Variants in DNAH3 observed in about 807,000 individuals in gnomAD.
The protein encoded by DNAH3 is axonemal beta dynein heavy chain 3.
Under a neutral mutation model 432.5 loss-of-function variants are expected in DNAH3, and 332 were observed. The observed-to-expected ratio is 0.77, with a 90% CI of 0.70 to 0.84. The LOEUF (loss-of-function observed/expected upper bound fraction) is 0.84. Among genes scored for constraint, DNAH3 ranks in the 40% least tolerant of loss-of-function variants. The pLI is 0.00. For missense variants in DNAH3, 4,861 were observed against 5,114.0 expected, an observed-to-expected ratio of 0.95 and a Z score of 1.51; for synonymous variants, 1,956 against 1,900.2, an observed-to-expected ratio of 1.03 and a Z score of -0.76.
chr16:20,977,186 G>GA (rs1452896802), intron 50 of DNAH3, among the ~76,000 whole-genome samples: 1 of 152,086 alleles, frequency 6.6e-6, no homozygotes, highest in African/African-American at 2.4e-5. Flanking sequence ...TGACCAGCCT[G>GA]ACCAACATGG....
exon 17 of DNAH3, chr16:21,098,720 T>C (rs780009535): frequency 6.2e-6 from 10 of 1,613,854 alleles, no homozygotes; most frequent in African/African-American, 2.7e-5. Context: ...TTCCTAAAAC[T>C]TTCCAGTTCT....
At chr16:21,024,540 C>T (rs778843027) in intron 39 of DNAH3, 56 bp downstream of exon 39, 68 of 1,323,290 alleles carry the variant, frequency 5.1e-5, no homozygotes, top group Non-Finnish European at 5.1e-5. Flanking sequence ...AGAAGACCCT[C>T]GAGATGAAAA....
exon 44 of DNAH3, chr16:20,997,424 G>T: frequency 6.2e-7 from 1 of 1,614,150 alleles, no homozygotes; most frequent in Non-Finnish European, 8.5e-7. Flanking sequence ...ATGGGTGGCT[G>T]GGCCCCATAC....
At chr16:21,117,151 C>T (rs1184179962) in intron 12 of DNAH3, 52 bp downstream of exon 12, 5 of 1,294,032 alleles carry the variant, frequency 3.9e-6, no homozygotes, top group Admixed American at 2.0e-5. Flanking sequence ...GTTAAGAACA[C>T]CAAATCAATC....
exon 53 of DNAH3, chr16:20,965,409 ATCT>A: frequency 6.6e-7 from 1 of 1,520,172 alleles, no homozygotes; most frequent in Non-Finnish European, 8.8e-7. Context: ...CCCCCCAGTA[ATCT>A]TCTATCATCT....
chr16:21,022,142 C>T, intron 39 of DNAH3, 42 bp from the exon 40 acceptor site: 5 of 1,609,812 alleles, frequency 3.1e-6, no homozygotes, highest in South Asian at 1.1e-5. Flanking sequence ...ACATGATCAA[C>T]AAGTGAGTTG....
chr16:20,939,105 T>C (rs2083707187), intron 59 of DNAH3, among the ~76,000 whole-genome samples: 2 of 151,928 alleles, frequency 1.3e-5, no homozygotes, highest in Admixed American at 1.3e-4. Flanking sequence ...TGAAGGCCAG[T>C]GAAAGCCCCT....
At chr16:21,094,680 A>G (rs117033869) in intron 18 of DNAH3, among the ~76,000 whole-genome samples, 2,163 of 152,254 alleles carry the variant, frequency 0.014, 16 homozygotes, top group Non-Finnish European at 0.022. Flanking sequence ...ATATATATAT[A>G]TATGGACAAT....
chr16:21,149,359 A>G (rs1467551638), intron 1 of DNAH3, among the ~76,000 whole-genome samples: 4 of 152,218 alleles, frequency 2.6e-5, no homozygotes, highest in African/African-American at 9.6e-5. Flanking sequence ...CTTTAGTTTT[A>G]CAAAGTTTCT....
At chr16:20,988,316 C>T (rs1269526470) in intron 44 of DNAH3, among the ~76,000 whole-genome samples, 2 of 152,228 alleles carry the variant, frequency 1.3e-5, no homozygotes, top group Non-Finnish European at 1.5e-5. Flanking sequence ...TGGCTAGTGG[C>T]TACCGTATTG....
rs1164082528 is a variant in DNAH3 at position 21,031,186 on chromosome 16, C to G, written c.5298G>C (p.Glu1766Asp). ...CATTGGCAAGGACACCATCCATCCACTCGTGGCTCACTTGGTCAAAGCACC... is the reference window on the plus strand; with the variant it reads ...CATTGGCAAGGACACCATCCATCCAGTCGTGGCTCACTTGGTCAAAGCACC... The change falls in exon 37 of 62, where the codon GAG becomes GAC. Residue 1766 changes from glutamate (E) to aspartate (D), a missense_variant. Coordinates refer to ENST00000261383, the Ensembl canonical transcript of DNAH3. The G allele has an allele frequency of 2.5e-6, 4 of 1,614,040 alleles. No individual in the cohort carries two copies. In the African/African-American group the frequency reaches 5.3e-5, roughly 22 times the overall value.
At chr16:21,145,299 G>A (rs747436813) in exon 3 of DNAH3, 20 of 1,613,974 alleles carry the variant, frequency 1.2e-5, no homozygotes, top group Admixed American at 1.0e-4. Context: ...AGTTGTTGGC[G>A]ATGGAATCAC....
intron 60 of DNAH3, 75 bp downstream of exon 60, chr16:20,936,574 A>G: frequency 7.4e-7 from 1 of 1,342,882 alleles, no homozygotes; most frequent in South Asian, 1.3e-5. Flanking sequence ...CCCTGCCTCT[A>G]GTCTGCCATT....
chr16:20,933,799 C>T (rs2083494958), intron 61 of DNAH3, among the ~76,000 whole-genome samples: 1 of 152,198 alleles, frequency 6.6e-6, no homozygotes. Context: ...ATTGCACAAT[C>T]CCTTCCCTTT....
At chr16:21,040,468 G>A (rs532805720) in intron 32 of DNAH3, among the ~76,000 whole-genome samples, 4 of 145,770 alleles carry the variant, frequency 2.7e-5, no homozygotes, top group South Asian at 4.5e-4. Flanking sequence ...AGGTTCAAGC[G>A]ATTCTCGTGC....
chr16:20,963,645 T>C (rs141688970), exon 53 of DNAH3: 141 of 1,613,950 alleles, frequency 8.7e-5, no homozygotes, highest in South Asian at 1.9e-4. Flanking sequence ...CAGACAGCCA[T>C]TGGGGAGCTG....
rs1597000953 is a variant in DNAH3, at chr16:20,969,841, G to A, written c.8409C>T (p.Cys2803=). Reference sequence around the variant, plus strand: ...TCTCTGGCTTCATCCCTTTCATGATGCAGATGCTCTCCATGACCAGTTTGA... The same window carrying A: ...TCTCTGGCTTCATCCCTTTCATGATACAGATGCTCTCCATGACCAGTTTGA... Residue 2803 remains cysteine (C), a synonymous_variant, in exon 52 of 62, where the codon TGC becomes TGT. Transcript: ENST00000261383. 5.6e-6 allele frequency: 9 copies of A among 1,614,180 alleles called. No homozygotes were observed. The East Asian group carries it at 2.0e-4, about 36-fold the overall frequency.
chr16:21,029,781 T>G (rs2088778644), intron 37 of DNAH3, among the ~76,000 whole-genome samples: 1 of 152,234 alleles, frequency 6.6e-6, no homozygotes, highest in Non-Finnish European at 1.5e-5. Flanking sequence ...ACTCTACTAT[T>G]GAGCTGTGTT....
At chr16:20,940,680 A>C in intron 59 of DNAH3, among the ~76,000 whole-genome samples, 1 of 147,086 alleles carries the variant, frequency 6.8e-6, no homozygotes, top group African/African-American at 2.5e-5. Context: ...GATCCTCCCT[A>C]CTCTGCTTCT....
Sources: allele counts gnomAD v4.1 joint callset (sites outside exome capture counted in the v4.1 genomes callset), GRCh38; gene constraint gnomAD v4.1.1; transcripts MANE v1.5; gene names NCBI Gene and HGNC (gene_info 2026-07-23, HGNC 2026-07-21).